Variants in ANKRD28 observed in about 807,000 individuals in gnomAD.
ANKRD28 encodes ankyrin repeat domain 28, also known as serine/threonine-protein phosphatase 6 regulatory ankyrin repeat subunit A.
A neutral mutation model predicts 126.5 loss-of-function variants in ANKRD28; 44 were observed. The ratio of observed to expected loss-of-function variants is 0.35; its 90% CI spans 0.27 to 0.45. The LOEUF (loss-of-function observed/expected upper bound fraction) is 0.45, where lower values mean the gene tolerates loss of function less well. Ranked by LOEUF, ANKRD28 falls within the 20% of genes least tolerant of loss-of-function variation. The pLI is 1.00. For missense variants in ANKRD28, 1,110 were observed against 1,316.6 expected (o/e 0.84, Z 2.43); for synonymous variants, 442 against 468.5 (o/e 0.94, Z 0.73).
At chr3:15,677,106 CATTT>C in intron 25 of ANKRD28, 50 bp from the exon 26 acceptor site, 1 of 1,407,082 alleles carries the variant, frequency 7.1e-7, no homozygotes, top group African/African-American at 1.4e-5. Flanking sequence ...ATTAAAGATA[CATTT>C]ATACACCCAA....
At chr3:15,672,964 C>T (rs879666217) in intron 27 of ANKRD28, among the ~76,000 whole-genome samples, 7 of 152,100 alleles carry the variant, frequency 4.6e-5, no homozygotes, top group Non-Finnish European at 8.8e-5. Flanking sequence ...TTAGTAGAGA[C>T]GGGGTTTTGC....
Position 15,711,237 on chromosome 3 carries a change from A to T in ANKRD28, c.1311T>A (p.Thr437=), listed in dbSNP as rs1180066702. The T allele has an allele frequency of 1.2e-6, 2 of 1,612,894 alleles. No homozygotes were observed. Among genetic ancestry groups the T allele is most frequent in the African/African-American group, 2.7e-5 (2 of 75,024 alleles). The part of the protein sequence containing the change: ...DIDTPDDFGR[T]CLHAAAAGGN... ...CTCCAGCTGCAGCTGCATGTAGACA[A>T]GTCCTGCCAAAATCATCTGGGGTAT... The change falls in exon 12 of 28, where the codon ACT becomes ACA. Residue 437 remains threonine (T), a synonymous_variant. Transcript: ENST00000683139.
intron 14 of ANKRD28, among the ~76,000 whole-genome samples, chr3:15,702,587 G>C (rs2070770776): frequency 6.6e-6 from 1 of 152,220 alleles, no homozygotes; most frequent in South Asian, 2.1e-4. Context: ...GTTAAAATCG[G>C]AATGCATTTC....
At chr3:15,857,108 A>G (rs2061789899) in intron 1 of ANKRD28, among the ~76,000 whole-genome samples, 1 of 152,286 alleles carries the variant, frequency 6.6e-6, no homozygotes, top group African/African-American at 2.4e-5. Context: ...ATCAATTCCA[A>G]TGGCTAATAA....
chr3:15,705,488 G>C (rs2071232637), intron 14 of ANKRD28, among the ~76,000 whole-genome samples: 1 of 152,108 alleles, frequency 6.6e-6, no homozygotes, highest in Admixed American at 6.6e-5. Flanking sequence ...AGTGGTAAAG[G>C]ACTACAGATG....
intron 1 of ANKRD28, among the ~76,000 whole-genome samples, chr3:15,813,194 C>T (rs1349038903): frequency 1.3e-5 from 2 of 151,786 alleles, no homozygotes; most frequent in Non-Finnish European, 2.9e-5. Context: ...GGTACAACCC[C>T]ATCTCTACTA....
chr3:15,674,483 A>G (rs1403629180), intron 27 of ANKRD28, among the ~76,000 whole-genome samples: 2 of 152,188 alleles, frequency 1.3e-5, no homozygotes, highest in South Asian at 4.1e-4. Flanking sequence ...GAAAGGATCA[A>G]CAGTTCAGTT....
intron 6 of ANKRD28, among the ~76,000 whole-genome samples, chr3:15,734,798 AC>A (rs1415132220): frequency 6.6e-6 from 1 of 152,162 alleles, no homozygotes; most frequent in African/African-American, 2.4e-5. Flanking sequence ...CTCTGCAAGA[AC>A]CAATTAATGT....
intron 2 of ANKRD28, among the ~76,000 whole-genome samples, chr3:15,785,774 T>C (rs546566334): frequency 6.6e-6 from 1 of 152,210 alleles, no homozygotes; most frequent in African/African-American, 2.4e-5. Context: ...AGTAGCTTTA[T>C]TCATAACTGC....
intron 1 of ANKRD28, 134 bp downstream of exon 1, chr3:15,796,271 T>A (rs1575716952): frequency 2.8e-6 from 1 of 359,706 alleles, no homozygotes; most frequent in East Asian, 1.1e-4. Flanking sequence ...AAATACTGCA[T>A]CATATCTACA....
intron 1 of ANKRD28, among the ~76,000 whole-genome samples, chr3:15,818,874 T>G (rs1381615427): frequency 6.6e-6 from 1 of 152,212 alleles, no homozygotes; most frequent in African/African-American, 2.4e-5. Flanking sequence ...CAGTGGGCTT[T>G]TTTGTAGAAA....
chr3:15,850,224 T>TATATATAGAGAGAG (rs1418223588), intron 1 of ANKRD28, among the ~76,000 whole-genome samples: 75 of 35,082 alleles, frequency 2.1e-3, no homozygotes, highest in South Asian at 3.5e-3. Context: ...TATATATATA[T>TATATATAGAGAGAG]AGAGAGAGAG....
At chr3:15,704,800 T>A (rs1405089649) in intron 14 of ANKRD28, among the ~76,000 whole-genome samples, 2 of 152,210 alleles carry the variant, frequency 1.3e-5, no homozygotes, top group African/African-American at 4.8e-5. Context: ...TATCCCAGAA[T>A]AATTACTGTG....
upstream of ANKRD28, among the ~76,000 whole-genome samples, chr3:15,802,261 C>T (rs1487487883): frequency 6.6e-6 from 1 of 152,130 alleles, no homozygotes; most frequent in African/African-American, 2.4e-5. Flanking sequence ...CTATCTTAAA[C>T]CAAACAAGGA....
In ANKRD28 at chr3:15,696,808, G is replaced by A. The variant is rs116263279; in HGVS notation, c.1548-563C>T. Among the ~76,000 whole-genome samples, 882 of 152,190 alleles carry A rather than the reference G, an allele frequency of 5.8e-3. 6 individuals are homozygous for A. Among genetic ancestry groups the A allele is most frequent in the African/African-American group, 0.02 (843 of 41,524 alleles). On this transcript the variant is annotated intron_variant, in intron 14 of 27. Coordinates refer to ENST00000683139, the MANE Select transcript of ANKRD28 (RefSeq NM_001349278.2). ...ATAAGAGATACTTCATTTCATTTCT[G>A]TGATAATAAAATATGAGGAAAATAA...
chr3:15,687,233 G>A (rs545245067), intron 18 of ANKRD28, among the ~76,000 whole-genome samples: 7 of 152,068 alleles, frequency 4.6e-5, no homozygotes, highest in East Asian at 1.9e-4. Context: ...ATGAGCCACC[G>A]TGCCCAGCCT....
At chr3:15,727,262 T>C (rs950868333) in intron 6 of ANKRD28, among the ~76,000 whole-genome samples, 1 of 152,114 alleles carries the variant, frequency 6.6e-6, no homozygotes, top group East Asian at 1.9e-4. Flanking sequence ...CTGGAAAGGA[T>C]TCATCATTCT....
chr3:15,725,379 T>C (rs938603168), intron 6 of ANKRD28, among the ~76,000 whole-genome samples: 6 of 152,344 alleles, frequency 3.9e-5, no homozygotes, highest in African/African-American at 1.4e-4. Flanking sequence ...CAATCTATCA[T>C]CTTCCTTTTG....
rs1559570049 is a variant in ANKRD28 at position 15,817,893 on chromosome 3, TA to T, written c.28-22588del. Among the ~76,000 whole-genome samples, 1 of 152,140 alleles carries T rather than the reference TA, an allele frequency of 6.6e-6. No homozygotes were observed. Among genetic ancestry groups the T allele is most frequent in the African/African-American group, 2.4e-5 (1 of 41,420 alleles). On this transcript the variant is annotated intron_variant, in intron 1 of 27. Coordinates refer to the ANKRD28 transcript ENST00000399451. This position sits in a 1 kb window ranked among gnomAD's most constrained non-coding sequence, Gnocchi z 4.5. Reference sequence around the variant, plus strand: ...TTATAGAAGATTCCATGGAATCTATTAAAAAATGCCTAGAATTAATAAGTTT... The same window carrying T: ...TTATAGAAGATTCCATGGAATCTATTAAAAATGCCTAGAATTAATAAGTTT...
Sources: gnomAD v4.1 joint callset for allele counts (sites outside exome capture counted in the v4.1 genomes callset) on GRCh38, gnomAD v4.1.1 for gene constraint, Gnocchi (gnomAD v3.1) non-coding constraint, MANE v1.5 for transcripts, NCBI Gene and HGNC (gene_info 2026-07-23, HGNC 2026-07-21) for gene names.